The following CCDC14 variants were observed in gnomAD, a reference collection of about 807,000 sequenced individuals.
CCDC14 encodes the protein coiled-coil domain-containing protein 14.
A neutral mutation model predicts 81.4 loss-of-function variants in CCDC14; 71 were observed. The observed-to-expected ratio is 0.87, with a 90% CI of 0.72 to 1.06. The LOEUF (loss-of-function observed/expected upper bound fraction) is 1.06. Among genes scored for constraint, CCDC14 ranks in the 50% least tolerant of loss-of-function variants. The pLI is 0.00. For missense variants in CCDC14, 1,046 were observed against 1,047.3 expected (o/e 1.00, Z 0.02); for synonymous variants, 332 against 364.8 (o/e 0.91, Z 1.03).
intron 5 of CCDC14, among the ~76,000 whole-genome samples, chr3:123,950,397 T>C (rs1327576098): frequency 1.3e-5 from 2 of 152,182 alleles, no homozygotes; most frequent in African/African-American, 4.8e-5. Flanking sequence ...TAGCCATGAA[T>C]AGCAGAAATG....
intron 12 of CCDC14, among the ~76,000 whole-genome samples, chr3:123,918,144 A>G (rs1006484325): frequency 4.6e-5 from 7 of 152,210 alleles, no homozygotes; most frequent in African/African-American, 1.7e-4. Flanking sequence ...TGCTAAAAAG[A>G]AATCTCTATA....
At chr3:123,920,087 A>C (rs1018522920) in intron 12 of CCDC14, among the ~76,000 whole-genome samples, 1 of 152,208 alleles carries the variant, frequency 6.6e-6, no homozygotes, top group African/African-American at 2.4e-5. Context: ...AATCAAATAG[A>C]TATCTTAGAG....
intron 8 of CCDC14, among the ~76,000 whole-genome samples, chr3:123,945,363 G>A (rs2036570619): frequency 6.6e-6 from 1 of 151,884 alleles, no homozygotes. Context: ...TCCTATAACT[G>A]GTTATAGTAT....
intron 5 of CCDC14, among the ~76,000 whole-genome samples, chr3:123,904,453 C>T (rs1318555689): frequency 6.6e-6 from 1 of 151,874 alleles, no homozygotes; most frequent in African/African-American, 2.4e-5. Flanking sequence ...AAATAGCAAG[C>T]ATGATATGAT....
Position 123,915,300 on chromosome 3 carries a change from G to C in CCDC14, c.2197C>G (p.Pro733Ala). 2 of 1,613,924 alleles carry C rather than the reference G, an allele frequency of 1.2e-6. No individual in the cohort carries two copies. Among genetic ancestry groups the C allele is most frequent in the Non-Finnish European group, 1.7e-6 (2 of 1,179,892 alleles). The change falls in exon 13 of 13, where the codon CCT becomes GCT. Residue 733 changes from proline to alanine, a missense_variant. Transcript: ENST00000409697. ...TTTTCAGGAGTGCTTCTAGCAAAAG[G>C]AATGTAAATTGTATTATCCAAATTA... ...EHNLDNTIYI[P>A]FARSTPEKKS...
the CCDC14 span, among the ~76,000 whole-genome samples, chr3:123,889,218 T>C: frequency 6.6e-5 from 10 of 152,266 alleles, no homozygotes; most frequent in East Asian, 1.9e-3. Flanking sequence ...AAGACCAGCC[T>C]GGGCAACATG....
At chr3:123,895,953 G>A (rs2034054778), downstream of CCDC14, among the ~76,000 whole-genome samples, 1 of 152,202 alleles carries the variant, frequency 6.6e-6, no homozygotes, top group African/African-American at 2.4e-5. Flanking sequence ...CTATGTTGAA[G>A]AGATAGCTGC....
chr3:123,919,145 A>T (rs1464598995), intron 12 of CCDC14, among the ~76,000 whole-genome samples: 2 of 152,100 alleles, frequency 1.3e-5, no homozygotes, highest in African/African-American at 4.8e-5. Flanking sequence ...AAATCTGTGG[A>T]GGTCGGCATC....
intron 5 of CCDC14, among the ~76,000 whole-genome samples, chr3:123,951,680 C>G (rs1377443056): frequency 6.6e-6 from 1 of 152,188 alleles, no homozygotes; most frequent in Non-Finnish European, 1.5e-5. Context: ...ATTTCACACA[C>G]AGGTCACAGC....
intron 9 of CCDC14, 125 bp from the exon 10 acceptor site, chr3:123,933,880 C>T (rs1414582093): frequency 4.9e-6 from 3 of 609,328 alleles, no homozygotes; most frequent in Non-Finnish European, 8.5e-6. Context: ...ATCTCATCCC[C>T]AAAAGACAAA....
intron 1 of CCDC14, among the ~76,000 whole-genome samples, chr3:123,960,751 A>G (rs2141607): frequency 0.11 from 16,710 of 152,148 alleles, 2,216 homozygotes; most frequent in East Asian, 0.35. Context: ...ATTCTTTGAG[A>G]CAGGATTTTA....
At position 123,914,972 on chromosome 3, in the gene CCDC14, C is replaced by G. The variant is rs750679800; in HGVS notation, c.2525G>C (p.Ser842Thr). ...GACAGTATTGCCTTTCACTTGAAGG[C>G]TGTTGCTAAGACAACCTGATGGGCC... ...CHGPSGCLSNSLQVKGNTVCD... is the reference protein window; with the variant it reads ...CHGPSGCLSNTLQVKGNTVCD... The change falls in exon 13 of 13, where the codon AGC becomes ACC. Residue 842 changes from serine (S) to threonine (T), a missense_variant. Transcript: ENST00000409697. 1.2e-6 allele frequency: 2 copies of G among 1,614,012 alleles called. No homozygotes were observed. Among genetic ancestry groups the G allele is most frequent in the Non-Finnish European group, 1.7e-6 (2 of 1,179,856 alleles).
At chr3:123,960,496 T>C (rs577805070) in intron 1 of CCDC14, among the ~76,000 whole-genome samples, 8 of 152,314 alleles carry the variant, frequency 5.3e-5, no homozygotes, top group South Asian at 2.1e-4. Context: ...GATTTCCTCA[T>C]ATATAAAATA....
At chr3:123,906,254 C>T (rs527791911) in intron 5 of CCDC14, among the ~76,000 whole-genome samples, 44 of 152,058 alleles carry the variant, frequency 2.9e-4, no homozygotes, top group African/African-American at 9.4e-4. Context: ...GGCGTGAACA[C>T]GGGAGGCGGA....
At chr3:123,960,609 T>C (rs2037623493) in intron 1 of CCDC14, among the ~76,000 whole-genome samples, 1 of 152,234 alleles carries the variant, frequency 6.6e-6, no homozygotes, top group South Asian at 2.1e-4. Context: ...ATAAGTCCTA[T>C]CTAAATGTTG....
At chr3:123,898,925 G>C (rs1275534797) in intron 5 of CCDC14, among the ~76,000 whole-genome samples, 7 of 136,040 alleles carry the variant, frequency 5.1e-5, no homozygotes, top group Non-Finnish European at 1.1e-4. Flanking sequence ...TCCTCATGTT[G>C]GTCAGTCTGG....
chr3:123,934,901 T>C (rs2035972729), intron 9 of CCDC14, among the ~76,000 whole-genome samples: 1 of 152,088 alleles, frequency 6.6e-6, no homozygotes. Context: ...TAGGGGGAAA[T>C]CTACATAATC....
At chr3:123,936,353 A>AT (rs1186041516) in intron 9 of CCDC14, among the ~76,000 whole-genome samples, 1 of 152,182 alleles carries the variant, frequency 6.6e-6, no homozygotes, top group African/African-American at 2.4e-5. Context: ...ACTTAGGCAA[A>AT]TATTTCTTTT....
At chr3:123,919,971 G>C (rs1185724589) in intron 12 of CCDC14, among the ~76,000 whole-genome samples, 1 of 152,134 alleles carries the variant, frequency 6.6e-6, no homozygotes, top group Non-Finnish European at 1.5e-5. Flanking sequence ...TCTTTAAAAT[G>C]TTCAGGGAAC....
Sources: gnomAD v4.1 joint callset for allele counts (sites outside exome capture counted in the v4.1 genomes callset) on GRCh38, gnomAD v4.1.1 for gene constraint, MANE v1.5 for transcripts, NCBI Gene and HGNC (gene_info 2026-07-23, HGNC 2026-07-21) for gene names.